BCL2L1: variants seen among roughly 807,000 people sequenced by gnomAD.
BCL2L1 encodes the protein bcl-2-like protein 1.
In BCL2L1, 1 loss-of-function variant was observed where a neutral mutation model predicts 18.7. The ratio of observed to expected loss-of-function variants is 0.05; its 90% CI spans 0.02 to 0.25. BCL2L1 has a LOEUF of 0.25. Among genes scored for constraint, BCL2L1 ranks in the 10% least tolerant of loss-of-function variants. The pLI, the probability that BCL2L1 is intolerant of heterozygous loss-of-function variation, is 1.00. For synonymous variants in BCL2L1, 103 were observed against 122.7 expected, an observed-to-expected ratio of 0.84 and a Z score of 1.06; for missense variants, 207 against 304.9, an observed-to-expected ratio of 0.68 and a Z score of 2.39.
intron 2 of BCL2L1, among the ~76,000 whole-genome samples, chr20:31,683,769 CAAA>C (rs372160646): frequency 8.7e-3 from 699 of 79,992 alleles, no homozygotes; most frequent in East Asian, 0.038. Flanking sequence ...AACTCCATCT[CAAA>C]AAAAAAAAAA....
chr20:31,679,174 T>C (rs1299243127), intron 2 of BCL2L1, among the ~76,000 whole-genome samples: 1 of 152,100 alleles, frequency 6.6e-6, no homozygotes, highest in Non-Finnish European at 1.5e-5. Context: ...ATGCCTGAGA[T>C]GGTGAGAAGA....
chr20:31,681,605 C>T (rs1223884970), intron 2 of BCL2L1, among the ~76,000 whole-genome samples: 1 of 152,218 alleles, frequency 6.6e-6, no homozygotes, highest in Non-Finnish European at 1.5e-5. Context: ...TGCGCCACTG[C>T]ACTTCAGCCT....
In BCL2L1 at chr20:31,664,574, A is replaced by G; in HGVS notation, c.*1375T>C. 1 of 203,114 alleles carries G rather than the reference A, an allele frequency of 4.9e-6. No homozygotes were observed. Among genetic ancestry groups the G allele is most frequent in the Non-Finnish European group, 1.0e-5 (1 of 98,574 alleles). 12.6% of individuals were successfully genotyped at this position (203,114 alleles called of 1,614,324 possible). A position where few individuals can be genotyped will look rare whatever the true frequency, so the allele number is the denominator to read the frequency against. On this transcript the variant is annotated 3_prime_UTR_variant, in exon 3 of 3. Transcript: ENST00000307677. ...GGGGGAGGGGCAGATGCCCCTCAGG[A>G]GCCAGGACCCTCGGCCAGCTTCCCT...
At chr20:31,675,089 A>G (rs912410880) in intron 2 of BCL2L1, among the ~76,000 whole-genome samples, 2 of 151,924 alleles carry the variant, frequency 1.3e-5, no homozygotes, top group African/African-American at 4.8e-5. Flanking sequence ...GGAAAGTGAA[A>G]CCCTTCCGTC....
intron 2 of BCL2L1, among the ~76,000 whole-genome samples, chr20:31,679,209 C>T (rs934519615): frequency 6.6e-6 from 1 of 152,112 alleles, no homozygotes; most frequent in African/African-American, 2.4e-5. Context: ...TGCCTGATGT[C>T]GAGGGAGGGG....
intron 2 of BCL2L1, among the ~76,000 whole-genome samples, chr20:31,717,105 A>G (rs2061548862): frequency 6.6e-6 from 1 of 152,200 alleles, no homozygotes; most frequent in South Asian, 2.1e-4. Context: ...GTAGGAGATT[A>G]TACTTCCGTA....
At chr20:31,706,966 A>T (rs1600892361) in intron 2 of BCL2L1, among the ~76,000 whole-genome samples, 1 of 151,548 alleles carries the variant, frequency 6.6e-6, no homozygotes, top group African/African-American at 2.4e-5. Context: ...TCCTGGAAAA[A>T]CTCCAGAGTT....
intron 2 of BCL2L1, among the ~76,000 whole-genome samples, chr20:31,695,493 G>C (rs931772221): frequency 1.9e-4 from 29 of 152,150 alleles, no homozygotes; most frequent in Admixed American, 1.9e-3. Context: ...TTGAAACAAG[G>C]TCTTGCTCTG....
chr20:31,723,407 C>A (rs1208829406), upstream of BCL2L1: 1 of 985,430 alleles, frequency 1.0e-6, no homozygotes, highest in Non-Finnish European at 1.2e-6. Context: ...CCACGTTTTC[C>A]TGGGGACAGG....
At position 31,722,043 on chromosome 20, in the gene BCL2L1, A is replaced by C. The variant is rs778631817; in HGVS notation, c.176T>G (p.Leu59Arg). ...TCCATTCACCGCGGGGCTGTCTGCC[A>C]GGTGCCAGGATGGGTTGCCATTGAT... Reference protein sequence around the residue: ...SAINGNPSWHLADSPAVNGAT... With the variant: ...SAINGNPSWHRADSPAVNGAT... The change falls in exon 2 of 3, where the codon CTG (leucine) becomes CGG (arginine). Residue 59 changes from leucine to arginine, a missense_variant. Leu to Arg is a moderately radical substitution (Grantham distance 102). Coordinates refer to ENST00000307677, the MANE Select transcript of BCL2L1 (RefSeq NM_138578.3). 2.5e-6 allele frequency: 4 copies of C among 1,608,586 alleles called. No homozygotes were observed. Among genetic ancestry groups the C allele is most frequent in the Non-Finnish European group, 3.4e-6 (4 of 1,176,784 alleles).
intron 2 of BCL2L1, among the ~76,000 whole-genome samples, chr20:31,714,531 T>A (rs989877116): frequency 6.6e-6 from 1 of 152,190 alleles, no homozygotes; most frequent in Non-Finnish European, 1.5e-5. Context: ...CCAACATGGC[T>A]CCAGTCTTTA....
At chr20:31,678,825 T>C (rs2060806585) in intron 2 of BCL2L1, among the ~76,000 whole-genome samples, 1 of 152,092 alleles carries the variant, frequency 6.6e-6, no homozygotes, top group Admixed American at 6.5e-5. Flanking sequence ...TGATCAGAAA[T>C]GTTTGGAATT....
chr20:31,698,553 T>G (rs6121143), intron 2 of BCL2L1, among the ~76,000 whole-genome samples: 3,622 of 152,084 alleles, frequency 0.024, 133 homozygotes, highest in African/African-American at 0.08. Flanking sequence ...CTTCTTTTTT[T>G]TTTTGGAGAC....
At chr20:31,686,062 G>A (rs1348035493) in intron 2 of BCL2L1, among the ~76,000 whole-genome samples, 3 of 152,110 alleles carry the variant, frequency 2.0e-5, no homozygotes, top group African/African-American at 4.8e-5. Flanking sequence ...AAATTAACAC[G>A]TTCCAAGAGC....
At chr20:31,720,176 C>A (rs867792118) in intron 2 of BCL2L1, 2 of 983,490 alleles carry the variant, frequency 2.0e-6, no homozygotes, top group African/African-American at 3.5e-5. Flanking sequence ...TTGCCTTTTA[C>A]AAGAGCTGGC....
At chr20:31,670,199 C>T (rs560334656) in intron 2 of BCL2L1, among the ~76,000 whole-genome samples, 9 of 152,312 alleles carry the variant, frequency 5.9e-5, no homozygotes, top group African/African-American at 1.9e-4. Context: ...GTCTCCCTCT[C>T]CATCCTAGCT....
chr20:31,720,867 G>A, intron 2 of BCL2L1: 1 of 985,352 alleles, frequency 1.0e-6, no homozygotes, highest in Non-Finnish European at 1.2e-6. Context: ...AGAGGCCCCT[G>A]GGCTCTGGCC....
At chr20:31,668,092 T>C (rs943841479) in intron 2 of BCL2L1, among the ~76,000 whole-genome samples, 2 of 152,050 alleles carry the variant, frequency 1.3e-5, no homozygotes, top group African/African-American at 4.8e-5. Context: ...CCAGTCCCAC[T>C]GGCCTCCTTG....
intron 2 of BCL2L1, among the ~76,000 whole-genome samples, chr20:31,700,065 C>G (rs950202234): frequency 3.9e-5 from 6 of 152,160 alleles, no homozygotes; most frequent in African/African-American, 1.4e-4. Flanking sequence ...AGCATTTAAC[C>G]CAATCCCTGA....
Sources: gnomAD v4.1 joint callset for allele counts (sites outside exome capture counted in the v4.1 genomes callset) on GRCh38, gnomAD v4.1.1 for gene constraint, MANE v1.5 for transcripts, NCBI Gene and HGNC (gene_info 2026-07-23, HGNC 2026-07-21) for gene names.